Variants in PPP3R1 observed in about 807,000 individuals in gnomAD.
PPP3R1 encodes the protein calcineurin subunit B type 1.
PPP3R1 carries 5 observed loss-of-function variants against 22.6 expected under a neutral mutation model. The observed-to-expected ratio is 0.22, with a 90% CI of 0.12 to 0.46. The LOEUF (loss-of-function observed/expected upper bound fraction) is 0.46, where lower values mean the gene tolerates loss of function less well. Among genes scored for constraint, PPP3R1 ranks in the 20% least tolerant of loss-of-function variants. PPP3R1 has a pLI of 0.99. For synonymous variants in PPP3R1, 56 were observed against 65.2 expected (o/e 0.86, Z 0.68); for missense variants, 61 against 203.2 (o/e 0.30, Z 4.25).
At chr2:68,211,953 A>G (rs1265907608) in intron 2 of PPP3R1, among the ~76,000 whole-genome samples, 3 of 152,140 alleles carry the variant, frequency 2.0e-5, no homozygotes, top group Non-Finnish European at 4.4e-5. Flanking sequence ...AAAGCCCTGA[A>G]CCCCTCAAAA....
chr2:68,242,372 G>C (rs1670153391), intron 1 of PPP3R1, among the ~76,000 whole-genome samples: 2 of 151,810 alleles, frequency 1.3e-5, no homozygotes, highest in Non-Finnish European at 2.9e-5. Flanking sequence ...GTAGCGGTGA[G>C]CCAAGATTGC....
intron 2 of PPP3R1, among the ~76,000 whole-genome samples, chr2:68,193,729 G>C (rs1674713440): frequency 6.6e-6 from 1 of 152,100 alleles, no homozygotes; most frequent in Non-Finnish European, 1.5e-5. Flanking sequence ...TTTAATTCTT[G>C]AAATATCGGC....
At chr2:68,198,778 A>G (rs1674893359) in intron 2 of PPP3R1, among the ~76,000 whole-genome samples, 1 of 152,168 alleles carries the variant, frequency 6.6e-6, no homozygotes, top group Non-Finnish European at 1.5e-5. Flanking sequence ...AGTAGAACTG[A>G]CATCTTTGTA....
chr2:68,243,061 G>C (rs1408302843), intron 1 of PPP3R1, among the ~76,000 whole-genome samples: 1 of 151,900 alleles, frequency 6.6e-6, no homozygotes, highest in African/African-American at 2.4e-5. Flanking sequence ...ATGTTTTTTT[G>C]GGATACCAAC....
At chr2:68,248,340 A>C (rs750422296) in intron 1 of PPP3R1, among the ~76,000 whole-genome samples, 26 of 152,216 alleles carry the variant, frequency 1.7e-4, no homozygotes, top group Non-Finnish European at 3.5e-4. Flanking sequence ...TAGTCTGTTA[A>C]TAGCACATAG....
intron 2 of PPP3R1, among the ~76,000 whole-genome samples, chr2:68,214,822 G>A (rs937748961): frequency 1.3e-5 from 2 of 151,936 alleles, no homozygotes; most frequent in Non-Finnish European, 2.9e-5. Context: ...AAAGACACAT[G>A]GACACATATA....
intron 1 of PPP3R1, among the ~76,000 whole-genome samples, chr2:68,235,571 G>C (rs897896606): frequency 2.0e-5 from 3 of 151,994 alleles, no homozygotes; most frequent in African/African-American, 7.3e-5. Flanking sequence ...CATTTCATTC[G>C]TATGAACATA....
At chr2:68,232,225 G>A (rs371093077) in intron 1 of PPP3R1, among the ~76,000 whole-genome samples, 28,488 of 75,746 alleles carry the variant, frequency 0.38, 3,716 homozygotes, top group African/African-American at 0.44. Flanking sequence ...ATGTATATAT[G>A]TGTGTGTGTG....
chr2:68,189,351 C>T (rs1183070563), intron 2 of PPP3R1, among the ~76,000 whole-genome samples: 2 of 152,136 alleles, frequency 1.3e-5, no homozygotes, highest in Non-Finnish European at 2.9e-5. Context: ...CACTTATCAA[C>T]ACTTTAAAAG....
intron 2 of PPP3R1, among the ~76,000 whole-genome samples, chr2:68,209,358 CAAAAAAAAAAAAAAAA>C (rs777851469): frequency 6.5e-4 from 27 of 41,692 alleles, no homozygotes; most frequent in African/African-American, 1.9e-3. Context: ...GACTCTGTCT[CAAAAAAAAAAAAAAAA>C]AAAAAAAAAA....
At chr2:68,218,439 C>T (rs986878815) in intron 1 of PPP3R1, among the ~76,000 whole-genome samples, 1 of 152,138 alleles carries the variant, frequency 6.6e-6, no homozygotes, top group Admixed American at 6.6e-5. Context: ...AATATTAGGT[C>T]ACTTTAAATA....
chr2:68,251,336 C>T (rs778725059), intron 1 of PPP3R1, among the ~76,000 whole-genome samples: 5 of 152,190 alleles, frequency 3.3e-5, no homozygotes, highest in Non-Finnish European at 7.3e-5. Context: ...GATTCAAAAA[C>T]AACCACTCCA....
chr2:68,187,365 CA>C (rs948877739), intron 3 of PPP3R1, 51 bp from the exon 4 acceptor site: 2 of 1,445,082 alleles, frequency 1.4e-6, no homozygotes, highest in Admixed American at 1.9e-5. Context: ...ATTTTTTACA[CA>C]AAAAACATAT....
At chr2:68,201,468 A>G (rs1440704612) in intron 2 of PPP3R1, among the ~76,000 whole-genome samples, 1 of 152,208 alleles carries the variant, frequency 6.6e-6, no homozygotes, top group Non-Finnish European at 1.5e-5. Context: ...CATAATTCAT[A>G]TAACGGCTTT....
chr2:68,189,300 T>C (rs1358458731), intron 2 of PPP3R1, among the ~76,000 whole-genome samples: 3 of 151,186 alleles, frequency 2.0e-5, no homozygotes, highest in African/African-American at 7.3e-5. Context: ...TTTGAGCAAA[T>C]AAGCCAGTTT....
intron 5 of PPP3R1, 124 bp downstream of exon 5, chr2:68,186,344 G>A (rs543923237): frequency 3.8e-5 from 32 of 834,874 alleles, no homozygotes; most frequent in African/African-American, 2.9e-4. Flanking sequence ...AAAACAATAC[G>A]GGCAATTAGG....
At chr2:68,216,706 A>G (rs113397159) in intron 2 of PPP3R1, among the ~76,000 whole-genome samples, 48 of 152,262 alleles carry the variant, frequency 3.2e-4, no homozygotes, top group African/African-American at 1.1e-3. Flanking sequence ...GGGAATAAGC[A>G]TTAGAGATGG....
chr2:68,211,421 A>C (rs1022612366), intron 2 of PPP3R1, among the ~76,000 whole-genome samples: 12 of 151,406 alleles, frequency 7.9e-5, no homozygotes, highest in Non-Finnish European at 1.6e-4. Flanking sequence ...AAAAAAAAAA[A>C]AAAACTCTAT....
intron 1 of PPP3R1, among the ~76,000 whole-genome samples, chr2:68,233,406 T>C (rs1472160489): frequency 6.6e-6 from 1 of 152,200 alleles, no homozygotes; most frequent in Non-Finnish European, 1.5e-5. Context: ...AGTTTTAGCT[T>C]CAGATATAGT....
Sources: allele counts gnomAD v4.1 joint callset (sites outside exome capture counted in the v4.1 genomes callset), GRCh38; gene constraint gnomAD v4.1.1; transcripts MANE v1.5; gene names NCBI Gene and HGNC (gene_info 2026-07-23, HGNC 2026-07-21).